Variants in SCAMP1 observed in about 807,000 individuals in gnomAD.
SCAMP1 encodes secretory carrier-associated membrane protein 1.
SCAMP1 carries 15 observed loss-of-function variants against 41.8 expected under a neutral mutation model. The ratio of observed to expected loss-of-function variants is 0.36; its 90% CI spans 0.24 to 0.55. The LOEUF (loss-of-function observed/expected upper bound fraction) is 0.55, where lower values mean the gene tolerates loss of function less well. Among genes scored for constraint, SCAMP1 ranks in the 20% least tolerant of loss-of-function variants. SCAMP1 has a pLI of 0.86. For synonymous variants in SCAMP1, 135 were observed against 136.8 expected, an observed-to-expected ratio of 0.99 and a Z score of 0.09; for missense variants, 341 against 412.6, an observed-to-expected ratio of 0.83 and a Z score of 1.50.
At chr5:78,448,285 A>G (rs577437865) in intron 6 of SCAMP1, among the ~76,000 whole-genome samples, 31 of 144,748 alleles carry the variant, frequency 2.1e-4, no homozygotes, top group Non-Finnish European at 3.3e-4. Context: ...TCTTGCCTCA[A>G]TGTCTAAATA....
chr5:78,470,433 A>G lies in SCAMP1; in HGVS notation c.853-5071A>G, dbSNP rs375623813. Among the ~76,000 whole-genome samples the G allele has an allele frequency of 9.2e-5, 14 of 152,302 alleles. No homozygotes were observed. In the East Asian group the frequency reaches 1.5e-3, roughly 17 times the overall value. ...GAGTTATACAATATTTTCCTTTTGT[A>G]CTTGGCTTCTTTCATTACCATAATG... On this transcript the variant is annotated intron_variant, in intron 8 of 8. Coordinates refer to ENST00000621999, the MANE Select transcript of SCAMP1 (RefSeq NM_004866.6).
rs1378266457 is a variant in SCAMP1, at chr5:78,360,638, C to T, written c.-34C>T. ...CCTCGCCTCGTCTCTCTCTCTGCGC[C>T]TGGGTCGGGTGGGTGACGCCGAGAG... On this transcript the variant is annotated 5_prime_UTR_variant, in exon 1 of 9. Transcript: ENST00000621999. 1.1e-5 allele frequency: 18 copies of T among 1,593,328 alleles called. No individual in the cohort carries two copies. The highest frequency in any genetic ancestry group is 1.5e-5 in the Non-Finnish European group (18 of 1,170,808).
At chr5:78,381,127 C>T (rs1751195963) in intron 1 of SCAMP1, among the ~76,000 whole-genome samples, 1 of 152,068 alleles carries the variant, frequency 6.6e-6, no homozygotes, top group Non-Finnish European at 1.5e-5. Context: ...GAAGAAAAGG[C>T]TTGCATGAAG....
chr5:78,398,282 A>G (rs1751704041), intron 2 of SCAMP1, among the ~76,000 whole-genome samples: 2 of 151,748 alleles, frequency 1.3e-5, no homozygotes. Context: ...CTTCACCATT[A>G]TCAAACAATT....
intron 6 of SCAMP1, 59 bp from the exon 7 acceptor site, chr5:78,449,874 T>C (rs944738604): frequency 6.9e-6 from 6 of 864,004 alleles, no homozygotes; most frequent in Middle Eastern, 3.4e-4. Flanking sequence ...ATGACGTTTT[T>C]CCCCTTCTTT....
rs548128666 is a variant in SCAMP1 at position 78,470,692 on chromosome 5, A to G, written c.853-4812A>G. Reference sequence around the variant, plus strand: ...CATATATACCCAATGTGGAATTCCTATGTAGTCTTATAGTAATTCTATGTT... The same window carrying G: ...CATATATACCCAATGTGGAATTCCTGTGTAGTCTTATAGTAATTCTATGTT... On this transcript the variant is annotated intron_variant, in intron 8 of 8. Coordinates refer to ENST00000621999, the MANE Select transcript of SCAMP1 (RefSeq NM_004866.6). Among the ~76,000 whole-genome samples the G allele has an allele frequency of 5.3e-5, 8 of 152,148 alleles. No homozygotes were observed. The East Asian group carries it at 7.7e-4, about 15-fold the overall frequency.
At position 78,422,110 on chromosome 5, in the gene SCAMP1, C is replaced by G. The variant is rs1580682092; in HGVS notation, c.632+150C>G. The G allele has an allele frequency of 5.2e-6, 3 of 579,444 alleles. No homozygotes were observed. In the East Asian group the frequency reaches 9.2e-5, roughly 18 times the overall value. 35.9% of individuals were successfully genotyped at this position (579,444 alleles called of 1,614,324 possible). ...TTCAGGAAAGTTCAATATAGCATGC[C>G]TGTGTATTCATTGGATTTTGTAAGT... is the stretch of plus-strand genomic sequence containing the variant. On this transcript the variant is annotated intron_variant, in intron 6 of 8. Transcript: ENST00000621999.
chr5:78,470,039 A>G (rs1201589138), intron 8 of SCAMP1, among the ~76,000 whole-genome samples: 3 of 150,678 alleles, frequency 2.0e-5, no homozygotes, highest in Non-Finnish European at 3.0e-5. Context: ...GCAGTGAGCT[A>G]TGATTGCATA....
At position 78,360,916 on chromosome 5, in the gene SCAMP1, T is replaced by C. The variant is rs906030691; in HGVS notation, c.57+188T>C. ...TGTCACTCCTTTGGGTTTTGGGGCT[T>C]GGGGGTGGAACCTCCTCAGCTCGTG... is the stretch of plus-strand genomic sequence containing the variant. On this transcript the variant is annotated intron_variant, in intron 1 of 8. Transcript: ENST00000621999. The C allele has an allele frequency of 5.0e-6, 3 of 597,556 alleles. No individual in the cohort carries two copies. In the African/African-American group the frequency reaches 5.8e-5, roughly 11 times the overall value. 37.0% of individuals were successfully genotyped at this position (597,556 alleles called of 1,614,324 possible). A position where few individuals can be genotyped will look rare whatever the true frequency, so the allele number is the denominator to read the frequency against.
At chr5:78,389,778 A>G (rs931455257) in intron 2 of SCAMP1, among the ~76,000 whole-genome samples, 1 of 151,614 alleles carries the variant, frequency 6.6e-6, no homozygotes, top group African/African-American at 2.4e-5. Flanking sequence ...CTGTTGAGGT[A>G]GATTCTGTTG....
intron 2 of SCAMP1, among the ~76,000 whole-genome samples, chr5:78,406,302 C>A (rs1304211503): frequency 1.3e-5 from 2 of 152,158 alleles, no homozygotes; most frequent in East Asian, 3.8e-4. Context: ...CCTGGGGTTT[C>A]TGATACGGGA....
At chr5:78,407,879 C>T (rs374131537) in intron 2 of SCAMP1, among the ~76,000 whole-genome samples, 11 of 152,234 alleles carry the variant, frequency 7.2e-5, no homozygotes, top group African/African-American at 2.6e-4. Context: ...CTGATAGTCT[C>T]TTGTTAGTCA....
At chr5:78,435,835 C>G (rs1157733212) in intron 6 of SCAMP1, among the ~76,000 whole-genome samples, 4 of 152,192 alleles carry the variant, frequency 2.6e-5, no homozygotes, top group Non-Finnish European at 5.9e-5. Context: ...AATTTACATT[C>G]CCATCAACAG....
chr5:78,458,999 A>G (rs953071163), intron 7 of SCAMP1, among the ~76,000 whole-genome samples: 2 of 152,238 alleles, frequency 1.3e-5, no homozygotes, highest in African/African-American at 2.4e-5. Context: ...TTGAATTTAG[A>G]CTATGCCATT....
At chr5:78,462,502 T>G (rs1445418974) in intron 8 of SCAMP1, among the ~76,000 whole-genome samples, 4 of 152,120 alleles carry the variant, frequency 2.6e-5, no homozygotes, top group Non-Finnish European at 5.9e-5. Context: ...TTTTTTGTAT[T>G]TTTAGTAGAG....
chr5:78,472,531 T>G (rs1753910276), intron 8 of SCAMP1, among the ~76,000 whole-genome samples: 2 of 152,142 alleles, frequency 1.3e-5, no homozygotes, highest in Admixed American at 1.3e-4. Context: ...TTAAAGATGT[T>G]CATCCTGATG....
At chr5:78,446,904 G>A (rs1438975862) in intron 6 of SCAMP1, among the ~76,000 whole-genome samples, 2 of 152,170 alleles carry the variant, frequency 1.3e-5, no homozygotes, top group Non-Finnish European at 2.9e-5. Flanking sequence ...TAGAGTAGGG[G>A]TCTCCAACCC....
intron 2 of SCAMP1, among the ~76,000 whole-genome samples, chr5:78,391,674 G>A (rs1393305235): frequency 6.6e-6 from 1 of 152,216 alleles, no homozygotes; most frequent in Non-Finnish European, 1.5e-5. Context: ...GGTGGAGGTT[G>A]TAGCGAGCCG....
chr5:78,408,246 G>A (rs1028501662), intron 2 of SCAMP1, among the ~76,000 whole-genome samples: 17 of 152,162 alleles, frequency 1.1e-4, no homozygotes, highest in Non-Finnish European at 2.2e-4. Flanking sequence ...AGGCAAGAGA[G>A]CATGTGTAGG....
Sources: gnomAD v4.1 joint callset for allele counts (sites outside exome capture counted in the v4.1 genomes callset) on GRCh38, gnomAD v4.1.1 for gene constraint, MANE v1.5 for transcripts, NCBI Gene and HGNC (gene_info 2026-07-23, HGNC 2026-07-21) for gene names.